The following TPD52L1 variants were observed in gnomAD, a reference collection of about 807,000 sequenced individuals.
TPD52L1 encodes tumor protein D53.
In TPD52L1, 18 loss-of-function variants were observed where a neutral mutation model predicts 28.7. The observed-to-expected ratio is 0.63, with a 90% CI of 0.43 to 0.93. The LOEUF (loss-of-function observed/expected upper bound fraction) is 0.93, where lower values mean the gene tolerates loss of function less well. TPD52L1 is among the 40% of genes least tolerant of loss of function. TPD52L1 has a pLI of 0.00. For missense variants in TPD52L1, 203 were observed against 254.8 expected (o/e 0.80, Z 1.39); for synonymous variants, 75 against 88.8 (o/e 0.84, Z 0.88).
intron 1 of TPD52L1, among the ~76,000 whole-genome samples, chr6:125,200,272 T>A (rs1244251255): frequency 2.6e-5 from 4 of 152,172 alleles, no homozygotes; most frequent in African/African-American, 9.7e-5. Flanking sequence ...GTTAAAAAAA[T>A]GTGTTCAAGA....
rs567303143 is a variant in TPD52L1 at position 125,256,142 on chromosome 6, A to T, written c.426-956A>T. ...GGCAGGTGGACCACCTGAGGTCAGA[A>T]TTCGAGACCAGCCTGGCCAACATGG... On this transcript the variant is annotated intron_variant, in intron 5 of 6. Transcript: ENST00000534000. 1.8e-4 allele frequency among the ~76,000 whole-genome samples: 28 copies of T among 152,236 alleles called. No homozygotes were observed. The South Asian group carries it at 5.8e-3, about 32-fold the overall frequency.
chr6:125,228,844 G>A lies in TPD52L1; in HGVS notation c.136-274G>A, dbSNP rs1015552456. On this transcript the variant is annotated intron_variant, in intron 2 of 6. Coordinates refer to ENST00000534000, the MANE Select transcript of TPD52L1 (RefSeq NM_003287.4). ...GTGGCTATTTCCTAGCAGGATACAG[G>A]TGATTTTTATTTTCTTGTTTATGTT... Among the ~76,000 whole-genome samples, 7 of 151,970 alleles carry A rather than the reference G, an allele frequency of 4.6e-5. 1 individual carries two copies. The South Asian group carries it at 1.5e-3, about 32-fold the overall frequency.
chr6:125,256,476 A>G (rs1337162776), intron 5 of TPD52L1, among the ~76,000 whole-genome samples: 1 of 152,266 alleles, frequency 6.6e-6, no homozygotes, highest in Non-Finnish European at 1.5e-5. Flanking sequence ...TAGGTAGGTA[A>G]TGGGTATGTT....
chr6:125,251,710 T>C (rs1218395751), intron 4 of TPD52L1, among the ~76,000 whole-genome samples: 1 of 152,230 alleles, frequency 6.6e-6, no homozygotes, highest in Non-Finnish European at 1.5e-5. Context: ...AACATTGGCA[T>C]CTTCTGGGAA....
intron 3 of TPD52L1, among the ~76,000 whole-genome samples, chr6:125,241,469 A>AT (rs972338876): frequency 6.6e-6 from 1 of 151,740 alleles, no homozygotes; most frequent in South Asian, 2.1e-4. Flanking sequence ...TTTATTGTCA[A>AT]TTTTTTTATT....
chr6:125,217,365 T>C (rs1794953160), intron 1 of TPD52L1, among the ~76,000 whole-genome samples: 1 of 152,184 alleles, frequency 6.6e-6, no homozygotes, highest in Non-Finnish European at 1.5e-5. Flanking sequence ...GCCCTGAGCT[T>C]GTTTTCTTAC....
At chr6:125,204,605 T>C (rs560698) in intron 1 of TPD52L1, among the ~76,000 whole-genome samples, 1 of 151,752 alleles carries the variant, frequency 6.6e-6, no homozygotes, top group African/African-American at 2.4e-5. Context: ...TCAGCCTCCC[T>C]AGTAGCTGGG....
chr6:125,173,296 C>T (rs1289559869), intron 1 of TPD52L1, among the ~76,000 whole-genome samples: 1 of 152,222 alleles, frequency 6.6e-6, no homozygotes, highest in Non-Finnish European at 1.5e-5. Flanking sequence ...AAAGAACTTT[C>T]CGCTTTGAGT....
chr6:125,169,162 A>G (rs1288361184), intron 1 of TPD52L1, among the ~76,000 whole-genome samples: 1 of 151,968 alleles, frequency 6.6e-6, no homozygotes, highest in Non-Finnish European at 1.5e-5. Flanking sequence ...CACTTTGTTC[A>G]CTTGGTTTTC....
intron 1 of TPD52L1, among the ~76,000 whole-genome samples, chr6:125,156,193 G>A (rs1790103201): frequency 6.6e-6 from 1 of 152,180 alleles, no homozygotes; most frequent in Non-Finnish European, 1.5e-5. Context: ...GCCAGGTGCA[G>A]TGGCTTACAC....
At chr6:125,229,628 C>T (rs972890806) in intron 3 of TPD52L1, among the ~76,000 whole-genome samples, 1 of 152,192 alleles carries the variant, frequency 6.6e-6, no homozygotes. Context: ...GTTTTCTCCT[C>T]AGCACACTTG....
At chr6:125,227,282 T>G (rs1185056705) in intron 2 of TPD52L1, among the ~76,000 whole-genome samples, 1 of 152,240 alleles carries the variant, frequency 6.6e-6, no homozygotes, top group Non-Finnish European at 1.5e-5. Flanking sequence ...TTTGTGTATA[T>G]AAAGGTTCGC....
At chr6:125,171,493 A>G (rs1791295522) in intron 1 of TPD52L1, among the ~76,000 whole-genome samples, 1 of 152,236 alleles carries the variant, frequency 6.6e-6, no homozygotes, top group Admixed American at 6.5e-5. Context: ...ACTTCGTTTT[A>G]GCAGACTGGA....
At chr6:125,248,630 T>C (rs576717281) in intron 4 of TPD52L1, among the ~76,000 whole-genome samples, 3 of 152,280 alleles carry the variant, frequency 2.0e-5, no homozygotes, top group African/African-American at 4.8e-5. Flanking sequence ...CTGGTAAAAA[T>C]AGAAGATACA....
At chr6:125,154,575 C>G in intron 1 of TPD52L1, 1 of 979,364 alleles carries the variant, frequency 1.0e-6, no homozygotes, top group Non-Finnish European at 1.2e-6. Flanking sequence ...CTCTGCCTCC[C>G]GTGGCGCGCG....
chr6:125,181,052 G>A (rs925689233), intron 1 of TPD52L1, among the ~76,000 whole-genome samples: 1 of 152,176 alleles, frequency 6.6e-6, no homozygotes, highest in Non-Finnish European at 1.5e-5. Flanking sequence ...TTGGGTTCGA[G>A]CCTACAGTTT....
intron 1 of TPD52L1, among the ~76,000 whole-genome samples, chr6:125,160,915 G>A (rs1048093367): frequency 1.5e-4 from 22 of 148,286 alleles, no homozygotes; most frequent in Non-Finnish European, 5.9e-5. Flanking sequence ...GCAGTGGCAC[G>A]ATCTTGGCTC....
intron 1 of TPD52L1, among the ~76,000 whole-genome samples, chr6:125,162,016 C>T (rs1790551639): frequency 1.3e-5 from 2 of 152,070 alleles, no homozygotes; most frequent in Admixed American, 1.3e-4. Flanking sequence ...AATTATTTTG[C>T]ATTTTATGTT....
At chr6:125,191,710 G>C (rs896155330) in intron 1 of TPD52L1, among the ~76,000 whole-genome samples, 8 of 152,172 alleles carry the variant, frequency 5.3e-5, no homozygotes, top group Admixed American at 3.3e-4. Context: ...AGGAGAGAGA[G>C]AGCTGGGAGT....
Sources: allele counts gnomAD v4.1 joint callset (sites outside exome capture counted in the v4.1 genomes callset), GRCh38; gene constraint gnomAD v4.1.1; transcripts MANE v1.5; gene names NCBI Gene and HGNC (gene_info 2026-07-23, HGNC 2026-07-21).